Variants in SLC71A2 observed in about 807,000 individuals in gnomAD.
SLC71A2 encodes hippocampus abundant transcript-like 1.
the SLC71A2 span, among the ~76,000 whole-genome samples, chr9:94,407,690 G>A: frequency 6.6e-6 from 1 of 151,938 alleles, no homozygotes; most frequent in Non-Finnish European, 1.5e-5. Flanking sequence ...TAGTTTTCTT[G>A]TAGTGTCTTT....
At chr9:94,378,387 C>A in the SLC71A2 span, among the ~76,000 whole-genome samples, 947 of 152,098 alleles carry the variant, frequency 6.2e-3, 7 homozygotes, top group African/African-American at 0.021. Context: ...GCAATGAGAT[C>A]TTGGCCGCGT....
the SLC71A2 span, among the ~76,000 whole-genome samples, chr9:94,440,802 A>C: frequency 2.0e-5 from 3 of 152,088 alleles, no homozygotes; most frequent in Admixed American, 1.3e-4. Flanking sequence ...ACAATGATGA[A>C]ATTAGAATGT....
the SLC71A2 span, among the ~76,000 whole-genome samples, chr9:94,424,858 ACCT>A: frequency 1.1e-4 from 15 of 138,062 alleles, no homozygotes; most frequent in South Asian, 2.3e-4. Flanking sequence ...TCCTGCCCCG[ACCT>A]CCTGAGTAGC....
the SLC71A2 span, among the ~76,000 whole-genome samples, chr9:94,428,602 T>TCCCC: frequency 3.4e-4 from 40 of 116,958 alleles, 1 homozygote; most frequent in East Asian, 2.7e-3. Flanking sequence ...CCCCCCCCCT[T>TCCCC]TTTTTTTTTT....
chr9:94,452,151 ATCTCTG>A, the SLC71A2 span, among the ~76,000 whole-genome samples: 1 of 152,240 alleles, frequency 6.6e-6, no homozygotes, highest in African/African-American at 2.4e-5. Flanking sequence ...ATTATAATCT[ATCTCTG>A]GATTGCAAAA....
chr9:94,395,356 T>C, the SLC71A2 span, among the ~76,000 whole-genome samples: 1 of 152,090 alleles, frequency 6.6e-6, no homozygotes, highest in Non-Finnish European at 1.5e-5. Flanking sequence ...CTCATAAAAA[T>C]AAAACTTGAA....
the SLC71A2 span, among the ~76,000 whole-genome samples, chr9:94,399,996 A>T: frequency 2.6e-5 from 4 of 151,960 alleles, no homozygotes; most frequent in Non-Finnish European, 5.9e-5. Context: ...TTTAGTAGAG[A>T]TGGGAGGTTT....
At chr9:94,416,737 C>T in the SLC71A2 span, among the ~76,000 whole-genome samples, 2 of 151,874 alleles carry the variant, frequency 1.3e-5, no homozygotes, top group African/African-American at 2.4e-5. Flanking sequence ...GCCTGTAATC[C>T]CAGCTACTCA....
chr9:94,425,340 C>G, the SLC71A2 span, among the ~76,000 whole-genome samples: 1 of 152,184 alleles, frequency 6.6e-6, no homozygotes, highest in African/African-American at 2.4e-5. Flanking sequence ...TGTTCTTTCC[C>G]AATTATTCTG....
chr9:94,416,726 T>C, the SLC71A2 span, among the ~76,000 whole-genome samples: 9 of 152,014 alleles, frequency 5.9e-5, no homozygotes, highest in Non-Finnish European at 8.8e-5. Context: ...TGGTGGTGCA[T>C]GCCTGTAATC....
At chr9:94,413,811 G>A in the SLC71A2 span, among the ~76,000 whole-genome samples, 11 of 152,318 alleles carry the variant, frequency 7.2e-5, no homozygotes, top group African/African-American at 2.6e-4. Flanking sequence ...TCATGCTTCT[G>A]CAGTCACCTG....
the SLC71A2 span, among the ~76,000 whole-genome samples, chr9:94,436,052 C>T: frequency 6.6e-6 from 1 of 152,218 alleles, no homozygotes; most frequent in Non-Finnish European, 1.5e-5. Flanking sequence ...TCTTCTTATA[C>T]TCTAATTCAT....
At chr9:94,447,049 C>G in the SLC71A2 span, 1 of 605,450 alleles carries the variant, frequency 1.7e-6, no homozygotes, top group Non-Finnish European at 3.0e-6. Flanking sequence ...GAACTTGCTT[C>G]TAGTTACAAA....
the SLC71A2 span, among the ~76,000 whole-genome samples, chr9:94,453,510 T>C: frequency 6.6e-6 from 1 of 152,206 alleles, no homozygotes; most frequent in African/African-American, 2.4e-5. Flanking sequence ...TTTAGCAGAG[T>C]ATATATTTGT....
the SLC71A2 span, among the ~76,000 whole-genome samples, chr9:94,411,397 C>T: frequency 6.7e-6 from 1 of 149,294 alleles, no homozygotes; most frequent in Non-Finnish European, 1.5e-5. Flanking sequence ...CATCATGTGG[C>T]AAATGATCTC....
At chr9:94,447,743 C>T in the SLC71A2 span, among the ~76,000 whole-genome samples, 4 of 152,086 alleles carry the variant, frequency 2.6e-5, no homozygotes, top group Non-Finnish European at 5.9e-5. Flanking sequence ...TTTGGACAAA[C>T]GTATGATGAC....
chr9:94,392,425 A>ATCT, the SLC71A2 span, among the ~76,000 whole-genome samples: 1 of 151,934 alleles, frequency 6.6e-6, no homozygotes, highest in Non-Finnish European at 1.5e-5. Context: ...CTGTTGTTAA[A>ATCT]TGTGTGATAT....
the SLC71A2 span, among the ~76,000 whole-genome samples, chr9:94,417,425 C>T: frequency 6.6e-6 from 1 of 151,994 alleles, no homozygotes; most frequent in Non-Finnish European, 1.5e-5. Context: ...GATGGGAGTT[C>T]GAGACCACCC....
chr9:94,392,841 G>T, the SLC71A2 span, among the ~76,000 whole-genome samples: 1 of 151,480 alleles, frequency 6.6e-6, no homozygotes, highest in African/African-American at 2.4e-5. Context: ...ATCATCTTTA[G>T]TATTTCCTCC....
Sources: gnomAD v4.1 joint callset for allele counts (sites outside exome capture counted in the v4.1 genomes callset) on GRCh38, gnomAD v4.1.1 for gene constraint, MANE v1.5 for transcripts, NCBI Gene and HGNC (gene_info 2026-07-23, HGNC 2026-07-21) for gene names.